Variants in FNDC3B observed in about 807,000 individuals in gnomAD.
The protein encoded by FNDC3B is fibronectin type III domain containing 3B.
FNDC3B carries 12 observed loss-of-function variants against 151.5 expected under a neutral mutation model. The ratio of observed to expected loss-of-function variants is 0.08; its 90% CI spans 0.05 to 0.13. FNDC3B has a LOEUF of 0.13. Among genes scored for constraint, FNDC3B ranks in the 10% least tolerant of loss-of-function variants. FNDC3B has a pLI of 1.00. For missense variants in FNDC3B, 1,214 were observed against 1,505.3 expected, an observed-to-expected ratio of 0.81 and a Z score of 3.20; for synonymous variants, 528 against 549.0, an observed-to-expected ratio of 0.96 and a Z score of 0.54.
chr3:172,121,345 A>G (rs988429946), intron 2 of FNDC3B, among the ~76,000 whole-genome samples: 1 of 152,186 alleles, frequency 6.6e-6, no homozygotes, highest in Admixed American at 6.5e-5. Flanking sequence ...GCGCTGGTTC[A>G]TGTTGCTTTG....
At position 172,346,346 on chromosome 3, in the gene FNDC3B, T is replaced by A. The variant is rs541932778; in HGVS notation, c.2270T>A (p.Val757Asp). 2 of 1,609,482 alleles carry A rather than the reference T, an allele frequency of 1.2e-6. No homozygotes were observed. The highest frequency in any genetic ancestry group is 2.2e-5 in the South Asian group (2 of 90,946). ...NDGGYGPYSD[V>D]SEITTAAGPP... ...TTTCAGTATGGTCCCTATTCTGATGTCTCAGAAATTACCACTGCTGCAGGG... is the reference window on the plus strand; with the variant it reads ...TTTCAGTATGGTCCCTATTCTGATGACTCAGAAATTACCACTGCTGCAGGG... The change falls in exon 20 of 26, where the codon GTC becomes GAC. Residue 757 changes from valine to aspartate, a missense_variant. By Grantham distance (152) the Val-to-Asp change is radical. Coordinates refer to ENST00000415807, the MANE Select transcript of FNDC3B (RefSeq NM_022763.4).
intron 3 of FNDC3B, among the ~76,000 whole-genome samples, chr3:172,162,549 G>A (rs1449809202): frequency 1.3e-5 from 2 of 152,016 alleles, no homozygotes; most frequent in African/African-American, 4.8e-5. Context: ...TTAACCATTT[G>A]AGGAATGGCC....
intron 3 of FNDC3B, among the ~76,000 whole-genome samples, chr3:172,209,701 C>T (rs1725629286): frequency 1.3e-5 from 2 of 152,232 alleles, no homozygotes; most frequent in African/African-American, 4.8e-5. Flanking sequence ...TTCAGGCCCT[C>T]CCTGGCTTAA....
chr3:172,181,395 C>CAAA (rs755223783), intron 3 of FNDC3B, among the ~76,000 whole-genome samples: 1,943 of 71,286 alleles, frequency 0.027, 145 homozygotes, highest in Middle Eastern at 0.05. Context: ...ACTCTGTCTC[C>CAAA]AAAAAAAAAA....
At chr3:172,232,063 C>T (rs1388751785) in intron 4 of FNDC3B, among the ~76,000 whole-genome samples, 22 of 151,376 alleles carry the variant, frequency 1.5e-4, no homozygotes, top group Non-Finnish European at 2.5e-4. Flanking sequence ...ATATTTTTAG[C>T]GGAGATGGGG....
intron 24 of FNDC3B, among the ~76,000 whole-genome samples, chr3:172,380,684 A>T (rs1190531603): frequency 6.6e-6 from 1 of 152,224 alleles, no homozygotes; most frequent in Non-Finnish European, 1.5e-5. Context: ...GAGGATACTC[A>T]ATTGCCATAG....
rs1162763323 is a variant in FNDC3B at position 172,400,603 on chromosome 3, G to T, written c.*3128G>T. The T allele has an allele frequency of 6.6e-6, 1 of 152,518 alleles. No individual in the cohort carries two copies. The highest frequency in any genetic ancestry group is 1.5e-5 in the Non-Finnish European group (1 of 68,010). 9.4% of individuals were successfully genotyped at this position (152,518 alleles called of 1,614,324 possible). On this transcript the variant is annotated 3_prime_UTR_variant, in exon 26 of 26. Transcript: ENST00000415807. ...ACTGCCATATCAATTTTAATGTATA[G>T]ATTTTGCAAATATTATGCTATATGT...
At chr3:172,224,334 A>G (rs745350441) in intron 3 of FNDC3B, among the ~76,000 whole-genome samples, 9 of 152,216 alleles carry the variant, frequency 5.9e-5, no homozygotes, top group Non-Finnish European at 1.0e-4. Context: ...GGGTCATGCA[A>G]TGATCGATTT....
intron 1 of FNDC3B, among the ~76,000 whole-genome samples, chr3:172,066,838 A>G (rs775379774): frequency 3.9e-5 from 6 of 152,214 alleles, no homozygotes; most frequent in African/African-American, 4.8e-5. Flanking sequence ...TGATTATTAT[A>G]CTTTTAATTG....
In FNDC3B at chr3:172,295,523, T is replaced by A. The variant is rs1231333133; in HGVS notation, c.1001+9T>A. On this transcript the variant is annotated intron_variant, in intron 8 of 25. Coordinates refer to ENST00000415807, the MANE Select transcript of FNDC3B (RefSeq NM_022763.4). ...TACAAGATAATTTACAGGTTGTGTATGTTTCTATTGTTTTTCTTTGCTGCT... is the reference window on the plus strand; with the variant it reads ...TACAAGATAATTTACAGGTTGTGTAAGTTTCTATTGTTTTTCTTTGCTGCT... 6.2e-7 allele frequency: 1 copy of A among 1,609,156 alleles called. No homozygotes were observed. The highest frequency in any genetic ancestry group is 2.2e-5 in the East Asian group (1 of 44,846).
Position 172,381,060 on chromosome 3 carries a change from G to A in FNDC3B, c.3270G>A (p.Gln1090=). ...MKGDPVNYIL[Q]VLVGRESEYK... ...GTGACCCTGTTAACTACATTCTGCA[G>A]GTATTGGTTGGAAGAGAATCTGAGT... is the stretch of plus-strand genomic sequence containing the variant. The change falls in exon 25 of 26, where the codon CAG becomes CAA. Residue 1090 remains glutamine (Q), a synonymous_variant. Coordinates refer to ENST00000415807, the MANE Select transcript of FNDC3B (RefSeq NM_022763.4). 1 of 1,613,786 alleles carries A rather than the reference G, an allele frequency of 6.2e-7. No homozygotes were observed. Among genetic ancestry groups the A allele is most frequent in the Non-Finnish European group, 8.5e-7 (1 of 1,179,734 alleles).
chr3:172,110,880 G>A (rs536047850), intron 1 of FNDC3B, among the ~76,000 whole-genome samples: 1 of 152,150 alleles, frequency 6.6e-6, no homozygotes, highest in Admixed American at 6.5e-5. Flanking sequence ...GATCACCTGA[G>A]GTCATGTCAG....
chr3:172,201,428 G>A (rs958399112), intron 3 of FNDC3B, among the ~76,000 whole-genome samples: 2 of 152,124 alleles, frequency 1.3e-5, no homozygotes, highest in African/African-American at 2.4e-5. Context: ...GCGTGCGTAC[G>A]TGCGGTGGAG....
At chr3:172,180,195 T>G (rs752993864) in intron 3 of FNDC3B, among the ~76,000 whole-genome samples, 1 of 152,210 alleles carries the variant, frequency 6.6e-6, no homozygotes, top group African/African-American at 2.4e-5. Context: ...CGAGCCATGC[T>G]TCTGCTGTCC....
chr3:172,356,947 G>A (rs1429966366), intron 22 of FNDC3B, among the ~76,000 whole-genome samples: 1 of 152,000 alleles, frequency 6.6e-6, no homozygotes, highest in African/African-American at 2.4e-5. Context: ...TCCTGATGAG[G>A]GAAGTCTTCC....
intron 8 of FNDC3B, among the ~76,000 whole-genome samples, chr3:172,295,773 AC>A (rs1730572826): frequency 6.6e-6 from 1 of 152,060 alleles, no homozygotes; most frequent in Admixed American, 6.5e-5. Context: ...ATTAATGAAA[AC>A]TTTCTGTTAA....
intron 14 of FNDC3B, 137 bp from the exon 15 acceptor site, chr3:172,334,807 A>T (rs1560084777): frequency 2.9e-6 from 2 of 697,818 alleles, no homozygotes; most frequent in East Asian, 5.3e-5. Flanking sequence ...TACTGTTAAT[A>T]CTTGAGTTGA....
rs143529097 is a variant in FNDC3B, at chr3:172,284,284, A to G, written c.791-1642A>G. 1.7e-4 allele frequency among the ~76,000 whole-genome samples: 26 copies of G among 152,294 alleles called. No individual in the cohort carries two copies. In the East Asian group the frequency reaches 4.8e-3, roughly 28 times the overall value. On this transcript the variant is annotated intron_variant, in intron 6 of 25. Transcript: ENST00000415807. ...AAAGTTTTAATGCGTTATGAAAACA[A>G]ACAAAAAGCAAAATATGCAAGAGAC...
chr3:172,365,136 T>C (rs1734550704), intron 23 of FNDC3B, among the ~76,000 whole-genome samples: 1 of 152,224 alleles, frequency 6.6e-6, no homozygotes, highest in South Asian at 2.1e-4. Flanking sequence ...AGAAACAATT[T>C]GAGTTGGATA....
Sources: gnomAD v4.1 joint callset for allele counts (sites outside exome capture counted in the v4.1 genomes callset) on GRCh38, gnomAD v4.1.1 for gene constraint, MANE v1.5 for transcripts, NCBI Gene and HGNC (gene_info 2026-07-23, HGNC 2026-07-21) for gene names.